The following RNF115 variants were observed in gnomAD, a reference collection of about 807,000 sequenced individuals.
The protein encoded by RNF115 is ring finger protein 115.
In RNF115, 31 loss-of-function variants were observed where a neutral mutation model predicts 39.2. The ratio of observed to expected loss-of-function variants is 0.79; its 90% CI spans 0.59 to 1.07. The LOEUF is 1.07. RNF115 is among the 50% of genes least tolerant of loss of function. RNF115 has a pLI of 0.00. For synonymous variants in RNF115, 124 were observed against 131.0 expected, an observed-to-expected ratio of 0.95 and a Z score of 0.37; for missense variants, 384 against 381.7, an observed-to-expected ratio of 1.01 and a Z score of -0.05.
rs903672583 is a variant in RNF115, at chr1:145,740,325, A to T, written c.*6541T>A. The T allele has an allele frequency of 2.0e-5, 3 of 152,272 alleles. No individual in the cohort carries two copies. Among genetic ancestry groups the T allele is most frequent in the Admixed American group, 1.3e-4 (2 of 15,284 alleles). 9.4% of individuals were successfully genotyped at this position (152,272 alleles called of 1,614,324 possible). On this transcript the variant is annotated 3_prime_UTR_variant, in exon 9 of 9. Transcript: ENST00000582693. ...GAAACATCACTGCCCAAGTTTATGA[A>T]GACATTTAAGAGCATCAGATTACTA...
At position 145,771,886 on chromosome 1, in the gene RNF115, G is replaced by GA; in HGVS notation, c.252dup (p.Gln85SerfsTer4). ...CTACTTAGAAAGGGTCTAAAATCTT[G>GA]AAAAAACATCGTGTGATCCAAATGG... is the stretch of plus-strand genomic sequence containing the variant. On this transcript the variant is annotated frameshift_variant, in exon 4 of 9. Coordinates refer to ENST00000582693, the MANE Select transcript of RNF115 (RefSeq NM_014455.4). LOFTEE classifies it high-confidence loss of function. The GA allele has an allele frequency of 1.2e-6, 2 of 1,613,316 alleles. No homozygotes were observed. Among genetic ancestry groups the GA allele is most frequent in the Non-Finnish European group, 1.7e-6 (2 of 1,179,780 alleles).
intron 1 of RNF115, among the ~76,000 whole-genome samples, chr1:145,820,616 G>C (rs1650193135): frequency 6.6e-6 from 1 of 151,972 alleles, no homozygotes; most frequent in Non-Finnish European, 1.5e-5. Flanking sequence ...CGTGCCTGTA[G>C]TCCCCACTAC....
chr1:145,751,200 T>A (rs1658074163), intron 6 of RNF115, among the ~76,000 whole-genome samples: 1 of 152,206 alleles, frequency 6.6e-6, no homozygotes, highest in South Asian at 2.1e-4. Context: ...GTTATAGAAG[T>A]CTTTTCTTCC....
In RNF115 at chr1:145,740,722, GGT is replaced by G. The variant is rs1553710877; in HGVS notation, c.*6142_*6143del. 6.6e-6 allele frequency: 1 copy of G among 152,154 alleles called. No homozygotes were observed. The highest frequency in any genetic ancestry group is 2.4e-5 in the African/African-American group (1 of 41,410). 9.4% of individuals were successfully genotyped at this position (152,154 alleles called of 1,614,324 possible). A position where few individuals can be genotyped will look rare whatever the true frequency, so the allele number is the denominator to read the frequency against. ...TATATTTCAATTGGATGTAGATTCT[GGT>G]GTGACTAATAAATTAACTTAAAAGC... On this transcript the variant is annotated 3_prime_UTR_variant, in exon 9 of 9. Coordinates refer to ENST00000582693, the MANE Select transcript of RNF115 (RefSeq NM_014455.4).
chr1:145,755,793 C>T (rs893727177), intron 4 of RNF115, among the ~76,000 whole-genome samples: 4 of 151,800 alleles, frequency 2.6e-5, no homozygotes, highest in African/African-American at 4.8e-5. Flanking sequence ...TAAGAAAAGG[C>T]AGAAAAAATC....
chr1:145,770,795 A>T (rs1647604143), intron 4 of RNF115, among the ~76,000 whole-genome samples: 1 of 152,242 alleles, frequency 6.6e-6, no homozygotes, highest in Non-Finnish European at 1.5e-5. Context: ...ATTAACGTTT[A>T]TTATTCCAAC....
chr1:145,811,932 T>TATATATATAC lies in RNF115; in HGVS notation c.102+11839_102+11840insGTATATATAT, dbSNP rs1465945929. Among the ~76,000 whole-genome samples, 525 of 73,472 alleles carry TATATATATAC rather than the reference T, an allele frequency of 7.1e-3. 6 individuals are homozygous for TATATATATAC. Among genetic ancestry groups the TATATATATAC allele is most frequent in the Non-Finnish European group, 0.012 (411 of 33,810 alleles). The allele number at this position is 73,472 out of a possible 152,430, so 48.2% of individuals were successfully genotyped here. On this transcript the variant is annotated intron_variant, in intron 1 of 8. Coordinates refer to ENST00000582693, the MANE Select transcript of RNF115 (RefSeq NM_014455.4). ...AAATATATATATATATATATATATA[T>TATATATATAC]ACACACACACACATATATGTAGAAA...
chr1:145,770,610 T>C (rs945690477), intron 4 of RNF115, among the ~76,000 whole-genome samples: 1 of 151,988 alleles, frequency 6.6e-6, no homozygotes, highest in Non-Finnish European at 1.5e-5. Flanking sequence ...ACTAGATTCA[T>C]ATAGCCCTAG....
intron 1 of RNF115, among the ~76,000 whole-genome samples, chr1:145,795,683 T>G (rs1648945761): frequency 6.6e-6 from 1 of 152,164 alleles, no homozygotes; most frequent in Admixed American, 6.6e-5. Context: ...AACATGACAC[T>G]TAAGAGATAT....
At chr1:145,813,506 G>A (rs1482491977) in intron 1 of RNF115, among the ~76,000 whole-genome samples, 1 of 152,030 alleles carries the variant, frequency 6.6e-6, no homozygotes, top group Non-Finnish European at 1.5e-5. Flanking sequence ...ACAAAAAAAT[G>A]TGGATAGTTT....
Position 145,809,488 on chromosome 1 carries a change from A to ATTTTTTTTTTTT in RNF115, c.102+14272_102+14283dup, listed in dbSNP as rs781918386. 7.8e-4 allele frequency among the ~76,000 whole-genome samples: 36 copies of ATTTTTTTTTTTT among 46,342 alleles called. 3 individuals carry two copies. The highest frequency in any genetic ancestry group is 3.1e-3 in the African/African-American group (32 of 10,438). 30.4% of individuals were successfully genotyped at this position (46,342 alleles called of 152,430 possible). ...GCGCCACTGCACCCAGACCCAGCTA[A>ATTTTTTTTTTTT]TTTTTTTTTTTTTTTTTTTTTGGAG... On this transcript the variant is annotated intron_variant, in intron 1 of 8. Coordinates refer to ENST00000582693, the MANE Select transcript of RNF115 (RefSeq NM_014455.4).
intron 4 of RNF115, among the ~76,000 whole-genome samples, chr1:145,759,913 T>G (rs1658437447): frequency 6.6e-6 from 1 of 152,206 alleles, no homozygotes; most frequent in African/African-American, 2.4e-5. Flanking sequence ...AGACATTTGC[T>G]GACTATGCTC....
In RNF115 at chr1:145,771,786, G is replaced by A; in HGVS notation, c.353C>T (p.Pro118Leu). 1.9e-6 allele frequency: 3 copies of A among 1,614,174 alleles called. No individual in the cohort carries two copies. Among genetic ancestry groups the A allele is most frequent in the African/African-American group, 1.3e-5 (1 of 75,052 alleles). The change falls in exon 4 of 9, where the codon CCT (proline) becomes CTT (leucine). Residue 118 changes from proline (P) to leucine (L), a missense_variant. Coordinates refer to ENST00000582693, the MANE Select transcript of RNF115 (RefSeq NM_014455.4). ...TCTCCGACCCAATGGCAACCGTGGA[G>A]GTCTTGCTCCCCAGAAGTCAGTGTG... is the stretch of plus-strand genomic sequence containing the variant. ...QTHTDFWGAR[P>L]PRLPLGRRYR...
At chr1:145,765,819 A>G (rs1647227442) in intron 4 of RNF115, among the ~76,000 whole-genome samples, 1 of 152,214 alleles carries the variant, frequency 6.6e-6, no homozygotes, top group African/African-American at 2.4e-5. Context: ...TGAATGAACA[A>G]TGTGAGAGTT....
At chr1:145,781,401 A>C (rs1648141040) in intron 3 of RNF115, among the ~76,000 whole-genome samples, 1 of 152,280 alleles carries the variant, frequency 6.6e-6, no homozygotes, top group South Asian at 2.1e-4. Context: ...TTTATTTCTA[A>C]GTTTTTTCTT....
chr1:145,809,090 T>C (rs988575867), intron 1 of RNF115, among the ~76,000 whole-genome samples: 1 of 152,164 alleles, frequency 6.6e-6, no homozygotes, highest in South Asian at 2.1e-4. Flanking sequence ...TCCACTCTAC[T>C]GGCCACTAAC....
At chr1:145,759,650 G>A (rs781840843) in intron 4 of RNF115, among the ~76,000 whole-genome samples, 2 of 152,018 alleles carry the variant, frequency 1.3e-5, no homozygotes, top group East Asian at 1.9e-4. Flanking sequence ...CGCACACCTC[G>A]CAGCCCCCCA....
At chr1:145,795,336 T>C (rs1025786333) in intron 1 of RNF115, among the ~76,000 whole-genome samples, 1 of 152,080 alleles carries the variant, frequency 6.6e-6, no homozygotes, top group African/African-American at 2.4e-5. Flanking sequence ...AGAACAAAGC[T>C]TCCACAACGC....
At chr1:145,764,331 G>C (rs887247557) in intron 4 of RNF115, among the ~76,000 whole-genome samples, 3 of 152,120 alleles carry the variant, frequency 2.0e-5, no homozygotes, top group African/African-American at 7.2e-5. Flanking sequence ...CTGCCTGGCC[G>C]ACACCCCGTC....
Sources: allele counts gnomAD v4.1 joint callset (sites outside exome capture counted in the v4.1 genomes callset), GRCh38; gene constraint gnomAD v4.1.1; transcripts MANE v1.5; gene names NCBI Gene and HGNC (gene_info 2026-07-23, HGNC 2026-07-21).